Variants in TNRC18 observed in about 807,000 individuals in gnomAD.
TNRC18 encodes the protein trinucleotide repeat-containing gene 18 protein.
A neutral mutation model predicts 226.7 loss-of-function variants in TNRC18; 69 were observed. That is an observed-to-expected ratio of 0.30 (90% CI 0.25 to 0.37). The LOEUF is 0.37. Ranked by LOEUF, TNRC18 falls within the 10% of genes least tolerant of loss-of-function variation. The pLI is 1.00. For synonymous variants in TNRC18, 2,449 were observed against 1,927.6 expected, an observed-to-expected ratio of 1.27 and a Z score of -7.09; for missense variants, 4,754 against 4,256.6, an observed-to-expected ratio of 1.12 and a Z score of -3.25.
intron 2 of TNRC18, among the ~76,000 whole-genome samples, chr7:5,413,396 T>C (rs1781964547): frequency 6.6e-6 from 1 of 152,118 alleles, no homozygotes; most frequent in Non-Finnish European, 1.5e-5. Context: ...CCCATCCGTC[T>C]TACCTGCCCA....
chr7:5,400,671 C>T (rs1443283726), intron 2 of TNRC18, among the ~76,000 whole-genome samples: 3 of 152,148 alleles, frequency 2.0e-5, no homozygotes, highest in Non-Finnish European at 4.4e-5. Flanking sequence ...AGGATGAATA[C>T]ACCAAACACC....
At chr7:5,372,571 T>C (rs112440357) in intron 10 of TNRC18, among the ~76,000 whole-genome samples, 18,064 of 150,496 alleles carry the variant, frequency 0.12, 1,363 homozygotes, top group East Asian at 0.27. Context: ...AAAAATTAGC[T>C]GGTCATGGTG....
chr7:5,408,298 C>CAA (rs55756995), intron 2 of TNRC18, among the ~76,000 whole-genome samples: 59 of 72,468 alleles, frequency 8.1e-4, no homozygotes, highest in African/African-American at 2.5e-3. Context: ...ACTTCCGTCT[C>CAA]AAAAAAAAAA....
chr7:5,320,498 C>T (rs367846701), intron 23 of TNRC18, 34 bp downstream of exon 23: 22 of 1,573,640 alleles, frequency 1.4e-5, no homozygotes, highest in South Asian at 1.3e-4. Context: ...CAGCCCACCC[C>T]GAGCCTCCCG....
chr7:5,378,098 T>G (rs1779133905), intron 5 of TNRC18, 74 bp from the exon 6 acceptor site: 1 of 1,280,826 alleles, frequency 7.8e-7, no homozygotes, highest in Admixed American at 1.9e-5. Context: ...CCCACTGCCC[T>G]CACCCCTCCC....
At chr7:5,315,928 G>C (rs1443392039) in intron 25 of TNRC18, 28 bp downstream of exon 25, 1 of 1,522,578 alleles carries the variant, frequency 6.6e-7, no homozygotes, top group South Asian at 1.2e-5. Flanking sequence ...CCTGGCAGGA[G>C]ACCGGGTGTC....
chr7:5,421,142 G>T lies in TNRC18; in HGVS notation c.105C>A (p.Ala35=). ...MDSHRVGAAT[A]GRLPASGLPG... is the part of the protein sequence containing the mutation. ...GCAAGCCCGAGGCGGGCAAGCGTCC[G>T]GCAGTGGCCGCGCCCACGCGGTGGC... Residue 35 remains alanine, a synonymous_variant, in exon 2 of 30, where the codon GCC becomes GCA. Transcript: ENST00000430969. 2 of 1,436,338 alleles carry T rather than the reference G, an allele frequency of 1.4e-6. No homozygotes were observed. The highest frequency in any genetic ancestry group is 1.8e-6 in the Non-Finnish European group (2 of 1,090,744). The allele number at this position is 1,436,338 out of a possible 1,614,324, so 89.0% of individuals were successfully genotyped here. A position where few individuals can be genotyped will look rare whatever the true frequency, so the allele number is the denominator to read the frequency against.
Position 5,309,209 on chromosome 7 carries a change from T to C in TNRC18, c.8548A>G (p.Asn2850Asp). ...RIQSMWESWG[N>D]NMVVRVKWFY... is the part of the protein sequence containing the mutation. Reference sequence around the variant, plus strand: ...CACTTGACGCGGACCACCATGTTGTTGCCCCACGACTCCCACATGCTCTGG... The same window carrying C: ...CACTTGACGCGGACCACCATGTTGTCGCCCCACGACTCCCACATGCTCTGG... Residue 2850 changes from asparagine (N) to aspartate (D), a missense_variant, in exon 28 of 30, where the codon AAC (asparagine) becomes GAC (aspartate). Transcript: ENST00000430969. The surrounding 1 kb of genome is among the most constrained non-coding windows in gnomAD (Gnocchi z 5.7). 6.2e-7 allele frequency: 1 copy of C among 1,613,650 alleles called. No individual in the cohort carries two copies. The highest frequency in any genetic ancestry group is 8.5e-7 in the Non-Finnish European group (1 of 1,179,808).
chr7:5,342,444 GA>G (rs1286782200), intron 18 of TNRC18, among the ~76,000 whole-genome samples: 1 of 149,428 alleles, frequency 6.7e-6, no homozygotes, highest in African/African-American at 2.5e-5. Context: ...AAAAAAAAAA[GA>G]AAAAAAGAAG....
chr7:5,359,019 C>G (rs1792751437), intron 15 of TNRC18, among the ~76,000 whole-genome samples: 1 of 152,240 alleles, frequency 6.6e-6, no homozygotes, highest in Non-Finnish European at 1.5e-5. Context: ...GCCCTTGTTT[C>G]TTAGAACTAC....
chr7:5,397,010 C>T (rs530553655), intron 2 of TNRC18, among the ~76,000 whole-genome samples: 1 of 152,276 alleles, frequency 6.6e-6, no homozygotes, highest in Non-Finnish European at 1.5e-5. Context: ...ACCTTGGGCC[C>T]CAAAGACAGG....
In TNRC18 at chr7:5,362,562, A is replaced by G. The variant is rs924637950; in HGVS notation, c.4395+88T>C. The G allele has an allele frequency of 1.1e-5, 14 of 1,301,840 alleles. No individual in the cohort carries two copies. The African/African-American group carries it at 2.1e-4, about 20-fold the overall frequency. The allele number at this position is 1,301,840 out of a possible 1,614,324, so 80.6% of individuals were successfully genotyped here. A position where few individuals can be genotyped will look rare whatever the true frequency, so the allele number is the denominator to read the frequency against. Reference sequence around the variant, plus strand: ...GGCCTCTCTGGCGCCAAAGCCAGCCACGCCCCAGGCAGTAGGGCACCTCCA... The same window carrying G: ...GGCCTCTCTGGCGCCAAAGCCAGCCGCGCCCCAGGCAGTAGGGCACCTCCA... On this transcript the variant is annotated intron_variant, in intron 12 of 29. Transcript: ENST00000430969.
At chr7:5,396,764 A>G (rs1197988750) in intron 2 of TNRC18, among the ~76,000 whole-genome samples, 1 of 152,000 alleles carries the variant, frequency 6.6e-6, no homozygotes, top group South Asian at 2.1e-4. Context: ...GGGGGCATGG[A>G]TAAGTTATGT....
Position 5,307,520 on chromosome 7 carries a change from C to CG in TNRC18, c.*585dup. ...CACCTGGTGCCTTTGACAGACACTCCGGGCTGCAACCCCACCCGGCTCTGT... is the reference window on the plus strand; with the variant it reads ...CACCTGGTGCCTTTGACAGACACTCCGGGGCTGCAACCCCACCCGGCTCTGT... On this transcript the variant is annotated 3_prime_UTR_variant, in exon 30 of 30. Coordinates refer to ENST00000430969, the MANE Select transcript of TNRC18 (RefSeq NM_001080495.3). 1 of 447,202 alleles carries CG rather than the reference C, an allele frequency of 2.2e-6. No homozygotes were observed. The highest frequency in any genetic ancestry group is 1.6e-5 in the South Asian group (1 of 62,976). The allele number at this position is 447,202 out of a possible 1,614,324, so 27.7% of individuals were successfully genotyped here. A position where few individuals can be genotyped will look rare whatever the true frequency, so the allele number is the denominator to read the frequency against.
intron 27 of TNRC18, among the ~76,000 whole-genome samples, chr7:5,310,660 A>G (rs948675340): frequency 5.3e-5 from 8 of 152,220 alleles, no homozygotes; most frequent in Non-Finnish European, 7.3e-5. Flanking sequence ...TGGGCCTCCC[A>G]AAGTGCTGGG....
intron 2 of TNRC18, among the ~76,000 whole-genome samples, chr7:5,412,608 AAAAT>A (rs1028318891): frequency 2.0e-5 from 3 of 152,132 alleles, no homozygotes; most frequent in African/African-American, 7.2e-5. Context: ...TAAAAATAAA[AAAAT>A]AAAAACAAAC....
At position 5,359,536 on chromosome 7, in the gene TNRC18, A is replaced by G. The variant is rs374636899; in HGVS notation, c.4695T>C (p.Asp1565=). 127 of 1,613,794 alleles carry G rather than the reference A, an allele frequency of 7.9e-5. No individual in the cohort carries two copies. Among genetic ancestry groups the G allele is most frequent in the Non-Finnish European group, 1.0e-4 (119 of 1,179,878 alleles). The part of the protein sequence containing the change: ...LSSKSLLTSD[D]YELGAGIRKR... ...TTCTTATCCCTGCTCCCAGCTCATA[A>G]TCATCTGATGTCAGCAGAGACTTGC... Residue 1565 remains aspartate (D), a synonymous_variant, in exon 15 of 30, where the codon GAT becomes GAC. Transcript: ENST00000430969.
In TNRC18 at chr7:5,389,184, C is replaced by T. The variant is rs763967035; in HGVS notation, c.640G>A (p.Gly214Arg). Reference protein sequence around the residue: ...GPAKERAGRGGEPPPLFGKKD... With the variant: ...GPAKERAGRGREPPPLFGKKD... Reference sequence around the variant, plus strand: ...TTGCCGAAAAGCGGAGGCGGCTCCCCGCCGCGGCCCGCCCGCTCCTTGGCT... The same window carrying T: ...TTGCCGAAAAGCGGAGGCGGCTCCCTGCCGCGGCCCGCCCGCTCCTTGGCT... Residue 214 changes from glycine (G) to arginine (R), a missense_variant, in exon 5 of 30, where the codon GGG becomes AGG. By Grantham distance (125) the Gly-to-Arg change is moderately radical. Transcript: ENST00000430969. The T allele has an allele frequency of 1.5e-6, 2 of 1,316,448 alleles. No homozygotes were observed. Among genetic ancestry groups the T allele is most frequent in the Admixed American group, 3.9e-5 (1 of 25,324 alleles). The allele number at this position is 1,316,448 out of a possible 1,614,324, so 81.5% of individuals were successfully genotyped here.
rs556001013 is a variant in TNRC18 at position 5,375,396 on chromosome 7, A to G, written c.2799+638T>C. ...GCTCTCCCGATTACTAAACAGTCACATTTAGCAACCCAAGGACTAGGCAAC... is the reference window on the plus strand; with the variant it reads ...GCTCTCCCGATTACTAAACAGTCACGTTTAGCAACCCAAGGACTAGGCAAC... On this transcript the variant is annotated intron_variant, in intron 9 of 29. Coordinates refer to ENST00000430969, the MANE Select transcript of TNRC18 (RefSeq NM_001080495.3). Among the ~76,000 whole-genome samples the G allele has an allele frequency of 4.6e-5, 7 of 152,332 alleles. No homozygotes were observed. In the South Asian group the frequency reaches 1.4e-3, roughly 32 times the overall value.
Sources: allele counts gnomAD v4.1 joint callset (sites outside exome capture counted in the v4.1 genomes callset), GRCh38; gene constraint gnomAD v4.1.1; non-coding constraint Gnocchi (gnomAD v3.1); transcripts MANE v1.5; gene names NCBI Gene and HGNC (gene_info 2026-07-23, HGNC 2026-07-21).